TFAP2B: variants seen among roughly 807,000 people sequenced by gnomAD.
TFAP2B encodes the protein transcription factor AP-2 beta.
Under a neutral mutation model 44.3 loss-of-function variants are expected in TFAP2B, and 9 were observed. The observed-to-expected ratio is 0.20, with a 90% confidence interval of 0.12 to 0.35. The LOEUF (loss-of-function observed/expected upper bound fraction) is 0.35, where lower values mean the gene tolerates loss of function less well. TFAP2B is among the 10% of genes least tolerant of loss of function. The pLI, the probability that TFAP2B is intolerant of heterozygous loss-of-function variation, is 1.00. For missense variants in TFAP2B, 509 were observed against 600.0 expected (o/e 0.85, Z 1.59); for synonymous variants, 270 against 263.8 (o/e 1.02, Z -0.23).
rs187739340 is a variant in TFAP2B at position 50,819,927 on chromosome 6, G to T, written c.81+955G>T. Among the ~76,000 whole-genome samples, 8 of 152,204 alleles carry T rather than the reference G, an allele frequency of 5.3e-5. No individual in the cohort carries two copies. The East Asian group carries it at 1.6e-3, about 29-fold the overall frequency. ...CGCGCGGCGGGCCAGGCTGGGGACC[G>T]GGAAGCCCGCGGAGCCTCGCTTTTA... On this transcript the variant is annotated intron_variant, in intron 1 of 6. Transcript: ENST00000393655.
intron 6 of TFAP2B, among the ~76,000 whole-genome samples, chr6:50,842,524 C>T (rs950553984): frequency 2.0e-5 from 3 of 152,148 alleles, no homozygotes; most frequent in Non-Finnish European, 2.9e-5. Context: ...AGCTCCCTCC[C>T]CCAATACTGC....
chr6:50,843,168 C>T lies in TFAP2B; in HGVS notation c.1159C>T (p.Leu387=), dbSNP rs112599056. ...PIGNSRPSPI[L]EPGIQSCLTH... is the part of the protein sequence containing the mutation. Reference sequence around the variant, plus strand: ...AGGGAACAGCCGACCCAGCCCCATCCTGGAGCCGGGGATCCAGAGCTGCCT... The same window carrying T: ...AGGGAACAGCCGACCCAGCCCCATCTTGGAGCCGGGGATCCAGAGCTGCCT... The change falls in exon 7 of 7, where the codon CTG becomes TTG. Residue 387 remains leucine, a synonymous_variant. Transcript: ENST00000393655. 2,350 of 1,614,272 alleles carry T rather than the reference C, an allele frequency of 1.5e-3. 2 individuals carry two copies. Among genetic ancestry groups the T allele is most frequent in the South Asian group, 3.5e-3 (316 of 91,088 alleles).
In TFAP2B at chr6:50,843,901, T is replaced by C. The variant is rs766155044; in HGVS notation, c.*509T>C. The C allele has an allele frequency of 1.9e-5, 3 of 159,272 alleles. No homozygotes were observed. The highest frequency in any genetic ancestry group is 7.2e-5 in the African/African-American group (3 of 41,488). 9.9% of individuals were successfully genotyped at this position (159,272 alleles called of 1,614,324 possible). On this transcript the variant is annotated 3_prime_UTR_variant, in exon 7 of 7. Coordinates refer to ENST00000393655, the MANE Select transcript of TFAP2B (RefSeq NM_003221.4). Reference sequence around the variant, plus strand: ...CCCGTCTCCCAACCACCCTTTTCCATGTTACCCTCCCTTCCTCACATTGTT... The same window carrying C: ...CCCGTCTCCCAACCACCCTTTTCCACGTTACCCTCCCTTCCTCACATTGTT...
intron 5 of TFAP2B, among the ~76,000 whole-genome samples, chr6:50,839,924 C>T (rs1165229227): frequency 6.6e-6 from 1 of 152,144 alleles, no homozygotes; most frequent in African/African-American, 2.4e-5. Context: ...GGATGTCTAG[C>T]TAGGAGTTGG....
chr6:50,839,345 T>C (rs1762680198), intron 5 of TFAP2B, among the ~76,000 whole-genome samples: 1 of 152,228 alleles, frequency 6.6e-6, no homozygotes, highest in Non-Finnish European at 1.5e-5. Flanking sequence ...TGATTAAAAG[T>C]AAGTCATCCT....
At chr6:50,831,581 C>T (rs1233008588) in intron 3 of TFAP2B, among the ~76,000 whole-genome samples, 2 of 152,028 alleles carry the variant, frequency 1.3e-5, no homozygotes, top group East Asian at 1.9e-4. Context: ...GAGAAGGATT[C>T]GGTACATTAA....
Position 50,823,395 on chromosome 6 carries a change from C to T in TFAP2B, c.82-12C>T. 1 of 1,573,358 alleles carries T rather than the reference C, an allele frequency of 6.4e-7. No homozygotes were observed. The highest frequency in any genetic ancestry group is 8.6e-7 in the Non-Finnish European group (1 of 1,159,436). On this transcript the variant is annotated splice_polypyrimidine_tract_variant and intron_variant, in intron 1 of 6. Coordinates refer to ENST00000393655, the MANE Select transcript of TFAP2B (RefSeq NM_003221.4). ...TCTCTGGCTCTCTTCCCCTTCCTCTCTCCGCTCCCAGGACCGGCACGATGG... is the reference window on the plus strand; with the variant it reads ...TCTCTGGCTCTCTTCCCCTTCCTCTTTCCGCTCCCAGGACCGGCACGATGG...
intron 1 of TFAP2B, among the ~76,000 whole-genome samples, chr6:50,820,046 G>A (rs1299419351): frequency 6.6e-6 from 1 of 152,232 alleles, no homozygotes; most frequent in Non-Finnish European, 1.5e-5. Context: ...TAAAAACTTC[G>A]GAAAGGCGAA....
chr6:50,830,372 T>A, intron 3 of TFAP2B: 1 of 911,952 alleles, frequency 1.1e-6, no homozygotes, highest in Non-Finnish European at 1.3e-6. Context: ...TGTGGGATGC[T>A]TTGGTTTCAG....
chr6:50,842,513 T>A (rs1213524658), intron 6 of TFAP2B, among the ~76,000 whole-genome samples: 2 of 152,212 alleles, frequency 1.3e-5, no homozygotes, highest in African/African-American at 2.4e-5. Context: ...AGGCAGAAAC[T>A]AGCTCCCTCC....
At chr6:50,836,545 C>A (rs1288748463) in intron 4 of TFAP2B, among the ~76,000 whole-genome samples, 1 of 152,218 alleles carries the variant, frequency 6.6e-6, no homozygotes, top group Non-Finnish European at 1.5e-5. Context: ...TTTTGCCGCC[C>A]TGGGAACCTT....
upstream of TFAP2B, among the ~76,000 whole-genome samples, chr6:50,818,505 A>G (rs1224794901): frequency 1.3e-5 from 2 of 152,190 alleles, no homozygotes; most frequent in African/African-American, 4.8e-5. Context: ...AGTGGCTACA[A>G]TGATGTGTCA....
chr6:50,842,711 G>A (rs1488737347), intron 6 of TFAP2B, among the ~76,000 whole-genome samples: 1 of 152,220 alleles, frequency 6.6e-6, no homozygotes, highest in Non-Finnish European at 1.5e-5. Flanking sequence ...GGAGAGGTGG[G>A]AGGGGCGCGG....
chr6:50,838,199 GT>G, intron 5 of TFAP2B, 106 bp downstream of exon 5: 2 of 987,144 alleles, frequency 2.0e-6, no homozygotes, highest in East Asian at 2.4e-5. Flanking sequence ...TGTGATTGTT[GT>G]GCTCTTATGA....
chr6:50,828,663 G>C lies in TFAP2B; in HGVS notation c.585G>C (p.Gln195His), dbSNP rs1254691372. 1 of 1,614,058 alleles carries C rather than the reference G, an allele frequency of 6.2e-7. No individual in the cohort carries two copies. Among genetic ancestry groups the C allele is most frequent in the South Asian group, 1.1e-5 (1 of 91,076 alleles). ...ANNSGMNLLD[Q>H]SVIKKVPVPP... is the part of the protein sequence containing the mutation. ...ACAGCGGCATGAATCTATTGGACCA[G>C]TCTGTCATTAAAAAAGGTATGGATA... The change falls in exon 3 of 7, where the codon CAG becomes CAC. Residue 195 changes from glutamine to histidine, a missense_variant. Gln to His is a conservative substitution (Grantham distance 24). Transcript: ENST00000393655.
intron 4 of TFAP2B, among the ~76,000 whole-genome samples, chr6:50,836,666 C>G (rs917034482): frequency 1.3e-5 from 2 of 152,160 alleles, no homozygotes; most frequent in African/African-American, 2.4e-5. Context: ...CCCAGCCCCC[C>G]CACAAAAAAC....
intron 3 of TFAP2B, among the ~76,000 whole-genome samples, chr6:50,832,086 A>C (rs931473951): frequency 2.0e-5 from 3 of 152,186 alleles, no homozygotes; most frequent in Admixed American, 2.0e-4. Context: ...TAGAAGGTAA[A>C]ATGCTCTGAG....
chr6:50,831,614 A>T (rs946233947), intron 3 of TFAP2B, among the ~76,000 whole-genome samples: 1 of 152,148 alleles, frequency 6.6e-6, no homozygotes, highest in Non-Finnish European at 1.5e-5. Context: ...CCAACGAGAC[A>T]TTAAAAAATC....
chr6:50,819,241 C>T (rs1561955929), intron 1 of TFAP2B, among the ~76,000 whole-genome samples: 1 of 149,602 alleles, frequency 6.7e-6, no homozygotes, highest in Non-Finnish European at 1.5e-5. Context: ...CCCCACCCCA[C>T]CCCACCCTTT....
Sources: gnomAD v4.1 joint callset for allele counts (sites outside exome capture counted in the v4.1 genomes callset) on GRCh38, gnomAD v4.1.1 for gene constraint, MANE v1.5 for transcripts, NCBI Gene and HGNC (gene_info 2026-07-23, HGNC 2026-07-21) for gene names.